The following MOGAT1 variants were observed in gnomAD, a reference collection of about 807,000 sequenced individuals.
MOGAT1 encodes the protein 2-acylglycerol O-acyltransferase 1.
Under a neutral mutation model 31.4 loss-of-function variants are expected in MOGAT1, and 32 were observed. The observed-to-expected ratio is 1.02, with a 90% CI of 0.77 to 1.37. MOGAT1 has a LOEUF of 1.37. Ranked by LOEUF, MOGAT1 falls within the 40% of genes most tolerant of loss-of-function variation. The pLI is 0.00. For missense variants in MOGAT1, 426 were observed against 402.0 expected (o/e 1.06, Z -0.51); for synonymous variants, 145 against 144.5 (o/e 1.00, Z -0.03).
chr2:222,692,809 G>C (rs1268732164), intron 3 of MOGAT1, among the ~76,000 whole-genome samples: 2 of 152,146 alleles, frequency 1.3e-5, no homozygotes, highest in African/African-American at 4.8e-5. Context: ...GGAAAACGGA[G>C]GAGTGGCCAG....
intron 3 of MOGAT1, among the ~76,000 whole-genome samples, chr2:222,693,448 GTTTT>G (rs11331017): frequency 8.6e-6 from 1 of 116,190 alleles, no homozygotes. Context: ...CAAATGTCTT[GTTTT>G]TTTTTTTTTT....
At chr2:222,698,698 A>C (rs550713749) in intron 5 of MOGAT1, 1 of 152,316 alleles carries the variant, frequency 6.6e-6, no homozygotes, top group Admixed American at 6.5e-5. Flanking sequence ...TCTCACACAC[A>C]TACCACCTCA....
In MOGAT1 at chr2:222,671,690, G is replaced by A. The variant is rs188664940; in HGVS notation, c.-96G>A. 8.5e-4 allele frequency: 894 copies of A among 1,053,492 alleles called. 1 individual carries two copies. The African/African-American group carries it at 0.012, about 14-fold the overall frequency. 65.3% of individuals were successfully genotyped at this position (1,053,492 alleles called of 1,614,324 possible). A position where few individuals can be genotyped will look rare whatever the true frequency, so the allele number is the denominator to read the frequency against. ...CCTCTCCGCCCAGCCAGTGCCCAGC[G>A]CGGGGCCCGGATCCGGCCGGGCACT... On this transcript the variant is annotated 5_prime_UTR_variant, in exon 1 of 6. Coordinates refer to ENST00000446656, the MANE Select transcript of MOGAT1 (RefSeq NM_058165.3).
chr2:222,675,127 T>A lies in MOGAT1; in HGVS notation c.94+3248T>A, dbSNP rs186978016. Reference sequence around the variant, plus strand: ...ACCATTTGACATGGGTCCTGCAGGATGTCTCACTTTGTGAGTTTGTCTGCT... The same window carrying A: ...ACCATTTGACATGGGTCCTGCAGGAAGTCTCACTTTGTGAGTTTGTCTGCT... On this transcript the variant is annotated intron_variant, in intron 1 of 5. Coordinates refer to ENST00000446656, the MANE Select transcript of MOGAT1 (RefSeq NM_058165.3). Among the ~76,000 whole-genome samples the A allele has an allele frequency of 1.9e-3, 295 of 152,396 alleles. 1 individual carries two copies. Among genetic ancestry groups the A allele is most frequent in the African/African-American group, 6.7e-3 (278 of 41,598 alleles).
intron 2 of MOGAT1, among the ~76,000 whole-genome samples, chr2:222,689,051 T>G (rs1692719328): frequency 6.6e-6 from 1 of 152,188 alleles, no homozygotes; most frequent in South Asian, 2.1e-4. Context: ...CTAAATGAAC[T>G]GTAAGCTGAC....
chr2:222,706,923 G>A (rs1693010742), intron 5 of MOGAT1, among the ~76,000 whole-genome samples: 1 of 152,096 alleles, frequency 6.6e-6, no homozygotes, highest in Non-Finnish European at 1.5e-5. Context: ...GGCTGGCTGT[G>A]GTGGCTCACG....
At chr2:222,705,541 T>C (rs529567630) in intron 5 of MOGAT1, among the ~76,000 whole-genome samples, 2 of 152,330 alleles carry the variant, frequency 1.3e-5, no homozygotes, top group East Asian at 1.9e-4. Flanking sequence ...AGAGGGTGCA[T>C]GGATACCTCA....
intron 4 of MOGAT1, among the ~76,000 whole-genome samples, chr2:222,694,784 A>T (rs569560432): frequency 6.6e-6 from 1 of 152,332 alleles, no homozygotes; most frequent in East Asian, 1.9e-4. Context: ...AAAAACCAAC[A>T]TTCTATATAT....
intron 3 of MOGAT1, among the ~76,000 whole-genome samples, chr2:222,691,422 TG>T (rs1354422934): frequency 1.3e-5 from 2 of 152,064 alleles, no homozygotes; most frequent in East Asian, 3.9e-4. Context: ...TTAGCCAGGC[TG>T]GTCAAGAACT....
chr2:222,675,958 A>G (rs764911160), intron 1 of MOGAT1, among the ~76,000 whole-genome samples: 7 of 152,164 alleles, frequency 4.6e-5, no homozygotes, highest in Non-Finnish European at 8.8e-5. Context: ...ATGTTTTATT[A>G]ATGATGTTTT....
chr2:222,699,499 T>TC (rs1692888264), intron 5 of MOGAT1: 1 of 137,660 alleles, frequency 7.3e-6, no homozygotes, highest in Non-Finnish European at 1.6e-5. Flanking sequence ...TCTTTTTTTT[T>TC]TTTTTTTTTT....
In MOGAT1 at chr2:222,707,457, A is replaced by G. The variant is rs116476589; in HGVS notation, c.854-2279A>G. 5.8e-3 allele frequency among the ~76,000 whole-genome samples: 879 copies of G among 151,864 alleles called. 9 individuals carry two copies. The highest frequency in any genetic ancestry group is 0.02 in the African/African-American group (840 of 41,412). The stretch of plus-strand genomic sequence containing the variant: ...CAAGGAAGGGGAAAGGGAAAGGGAA[A>G]GGAAATTAAGGCCAGAGAGAAAGTC... On this transcript the variant is annotated intron_variant, in intron 5 of 5. Coordinates refer to ENST00000446656, the MANE Select transcript of MOGAT1 (RefSeq NM_058165.3).
intron 5 of MOGAT1, among the ~76,000 whole-genome samples, chr2:222,704,243 TG>T (rs948266471): frequency 3.3e-5 from 5 of 152,168 alleles, no homozygotes; most frequent in African/African-American, 9.7e-5. Flanking sequence ...AGTCTTATGT[TG>T]AAAATGTTTT....
Position 222,689,344 on chromosome 2 carries a change from C to A in MOGAT1, c.353C>A (p.Ala118Asp), listed in dbSNP as rs557206138. The change falls in exon 3 of 6, where the codon GCC becomes GAC. Residue 118 changes from alanine (A) to aspartate (D), a missense_variant. Transcript: ENST00000446656. ...FHPHGIMAVG[A>D]FGNFSVNYSD... ...CCCCATGGAATAATGGCAGTTGGAG[C>A]CTTTGGGAATTTTTCTGTAAATTAT... 9.9e-6 allele frequency: 16 copies of A among 1,613,928 alleles called. 1 individual carries two copies. The South Asian group carries it at 1.8e-4, about 18-fold the overall frequency.
intron 1 of MOGAT1, among the ~76,000 whole-genome samples, chr2:222,684,801 G>C (rs375548270): frequency 6.6e-6 from 1 of 151,932 alleles, no homozygotes. Context: ...GGTCTCAAAC[G>C]CCTGACCTCA....
intron 3 of MOGAT1, among the ~76,000 whole-genome samples, chr2:222,692,963 C>T (rs970838469): frequency 6.6e-6 from 1 of 152,222 alleles, no homozygotes; most frequent in East Asian, 1.9e-4. Context: ...TCTAGGCAGG[C>T]TCAGGCTCTC....
chr2:222,702,628 T>A (rs1012800111), intron 5 of MOGAT1, among the ~76,000 whole-genome samples: 2 of 151,622 alleles, frequency 1.3e-5, no homozygotes, highest in African/African-American at 4.8e-5. Context: ...TTTTTTTCAA[T>A]AAAAAAGATA....
At chr2:222,694,894 G>A (rs1371334593) in intron 4 of MOGAT1, among the ~76,000 whole-genome samples, 195 bp from the exon 5 acceptor site, 1 of 152,144 alleles carries the variant, frequency 6.6e-6, no homozygotes, top group Non-Finnish European at 1.5e-5. Flanking sequence ...TCCTGTCAAT[G>A]GCTAGCCTGC....
chr2:222,695,609 T>A (rs1355601906), intron 5 of MOGAT1, among the ~76,000 whole-genome samples: 1 of 152,232 alleles, frequency 6.6e-6, no homozygotes, highest in Non-Finnish European at 1.5e-5. Context: ...AATTCTTTGA[T>A]GACAAGTCAT....
Sources: allele counts gnomAD v4.1 joint callset (sites outside exome capture counted in the v4.1 genomes callset), GRCh38; gene constraint gnomAD v4.1.1; transcripts MANE v1.5; gene names NCBI Gene and HGNC (gene_info 2026-07-23, HGNC 2026-07-21).